The following GPM6A variants were observed in gnomAD, a reference collection of about 807,000 sequenced individuals.
GPM6A encodes the protein glycoprotein M6A.
GPM6A carries 7 observed loss-of-function variants against 32.1 expected under a neutral mutation model. That is an observed-to-expected ratio of 0.22 (90% CI 0.12 to 0.41). GPM6A has a LOEUF of 0.41. Among genes scored for constraint, GPM6A ranks in the 10% least tolerant of loss-of-function variants. GPM6A has a pLI of 1.00. For synonymous variants in GPM6A, 130 were observed against 123.4 expected, an observed-to-expected ratio of 1.05 and a Z score of -0.35; for missense variants, 235 against 347.2, an observed-to-expected ratio of 0.68 and a Z score of 2.57.
chr4:175,766,716 G>A (rs369738900), intron 1 of GPM6A, among the ~76,000 whole-genome samples: 126 of 146,728 alleles, frequency 8.6e-4, no homozygotes, highest in African/African-American at 2.4e-3. Flanking sequence ...GTGCAGTGGC[G>A]TGATCTCTGC....
rs192030080 is a variant in GPM6A at position 175,636,578 on chromosome 4, T to G, written c.685-1521A>C. On this transcript the variant is annotated intron_variant, in intron 6 of 6. Transcript: ENST00000393658. Reference sequence around the variant, plus strand: ...TGGGAGGCCAAGGCGGGTTGATCACTTGAGGTCAGGAGTCCAAGACCAGTC... The same window carrying G: ...TGGGAGGCCAAGGCGGGTTGATCACGTGAGGTCAGGAGTCCAAGACCAGTC... Among the ~76,000 whole-genome samples, 17 of 150,310 alleles carry G rather than the reference T, an allele frequency of 1.1e-4. No homozygotes were observed. In the East Asian group the frequency reaches 3.1e-3, roughly 28 times the overall value.
intron 1 of GPM6A, among the ~76,000 whole-genome samples, chr4:175,859,741 G>A (rs1346573476): frequency 1.3e-5 from 2 of 151,744 alleles, no homozygotes; most frequent in Non-Finnish European, 2.9e-5. Flanking sequence ...AGTGCCCTGG[G>A]GTTTTCCTAA....
At chr4:175,956,763 A>G (rs1739999816) in intron 1 of GPM6A, among the ~76,000 whole-genome samples, 2 of 151,712 alleles carry the variant, frequency 1.3e-5, no homozygotes, top group Admixed American at 1.3e-4. Flanking sequence ...TGAACAATTT[A>G]ATGTAATTTT....
At chr4:175,718,634 T>C (rs1393245067) in intron 1 of GPM6A, among the ~76,000 whole-genome samples, 1 of 151,428 alleles carries the variant, frequency 6.6e-6, no homozygotes, top group Admixed American at 6.6e-5. Context: ...TATAATGAAA[T>C]ATTTACATTA....
chr4:175,849,416 C>T (rs1736184708), intron 1 of GPM6A, among the ~76,000 whole-genome samples: 2 of 152,110 alleles, frequency 1.3e-5, no homozygotes, highest in African/African-American at 2.4e-5. Context: ...ACGTAGCCAA[C>T]GTAGAGGTTG....
intron 1 of GPM6A, among the ~76,000 whole-genome samples, chr4:175,760,755 A>T (rs892201495): frequency 4.6e-5 from 7 of 152,092 alleles, no homozygotes; most frequent in African/African-American, 1.7e-4. Flanking sequence ...AGAGAGAGAA[A>T]TAGATACAGA....
At chr4:175,697,670 T>C (rs1744654994) in intron 2 of GPM6A, among the ~76,000 whole-genome samples, 1 of 152,150 alleles carries the variant, frequency 6.6e-6, no homozygotes, top group Non-Finnish European at 1.5e-5. Flanking sequence ...TACTAAAAGT[T>C]ATACAAATGA....
At chr4:175,966,867 A>G (rs1740349662) in intron 1 of GPM6A, among the ~76,000 whole-genome samples, 1 of 152,198 alleles carries the variant, frequency 6.6e-6, no homozygotes, top group Non-Finnish European at 1.5e-5. Context: ...TGGGTCTACT[A>G]TTGAATTCTA....
chr4:175,867,076 T>A (rs1022333404), intron 1 of GPM6A, among the ~76,000 whole-genome samples: 2 of 152,204 alleles, frequency 1.3e-5, no homozygotes, highest in Non-Finnish European at 2.9e-5. Context: ...TCTGTTAAGG[T>A]CTTTGGCCTA....
intron 1 of GPM6A, among the ~76,000 whole-genome samples, chr4:175,716,039 TG>T (rs1419409372): frequency 1.3e-5 from 2 of 152,336 alleles, no homozygotes; most frequent in African/African-American, 2.4e-5. Flanking sequence ...CACTCCAGAC[TG>T]GGCAATAAGA....
At chr4:175,883,419 A>T (rs1277374328) in intron 1 of GPM6A, among the ~76,000 whole-genome samples, 1 of 152,144 alleles carries the variant, frequency 6.6e-6, no homozygotes, top group African/African-American at 2.4e-5. Flanking sequence ...TCAATATAAA[A>T]AATTAAGAAG....
chr4:175,873,499 A>C (rs1736980212), intron 1 of GPM6A, among the ~76,000 whole-genome samples: 1 of 152,120 alleles, frequency 6.6e-6, no homozygotes, highest in Admixed American at 6.5e-5. Context: ...TCAATGGGAA[A>C]TATATTTTGA....
At chr4:175,930,436 T>G (rs796356042) in intron 1 of GPM6A, among the ~76,000 whole-genome samples, 1,729 of 81,348 alleles carry the variant, frequency 0.021, 19 homozygotes, top group Non-Finnish European at 0.036. Context: ...GGGGGGGGGT[T>G]TTTTTGTTGT....
At chr4:175,667,809 A>T (rs978855858) in intron 3 of GPM6A, among the ~76,000 whole-genome samples, 4 of 152,144 alleles carry the variant, frequency 2.6e-5, no homozygotes, top group African/African-American at 7.2e-5. Flanking sequence ...GAATATACAA[A>T]TTTTTTTTAA....
chr4:175,693,324 T>C, intron 2 of GPM6A, among the ~76,000 whole-genome samples: 1 of 149,132 alleles, frequency 6.7e-6, no homozygotes, highest in Non-Finnish European at 1.5e-5. Context: ...TAAGTATATA[T>C]ATATTTGGAA....
At chr4:175,682,044 C>T (rs1743716517) in intron 2 of GPM6A, among the ~76,000 whole-genome samples, 1 of 152,174 alleles carries the variant, frequency 6.6e-6, no homozygotes, top group Admixed American at 6.5e-5. Context: ...GACCAACATG[C>T]TGATAGTGAC....
intron 1 of GPM6A, among the ~76,000 whole-genome samples, chr4:175,884,723 AGGGTT>A (rs1258750153): frequency 1.1e-4 from 17 of 151,714 alleles, no homozygotes; most frequent in Non-Finnish European, 2.4e-4. Flanking sequence ...TAGTAGAGAC[AGGGTT>A]TCACCATGTT....
intron 1 of GPM6A, among the ~76,000 whole-genome samples, chr4:175,791,417 T>G (rs1289181334): frequency 6.6e-6 from 1 of 152,324 alleles, no homozygotes; most frequent in East Asian, 1.9e-4. Context: ...GTTAAGTGAC[T>G]TGCCATATGC....
At position 175,909,433 on chromosome 4, in the gene GPM6A, A is replaced by G. The variant is rs113213270; in HGVS notation, c.-23+92876T>C. Among the ~76,000 whole-genome samples the G allele has an allele frequency of 9.0e-3, 1,373 of 152,278 alleles. 12 individuals carry two copies. Among genetic ancestry groups the G allele is most frequent in the Non-Finnish European group, 0.015 (1,009 of 68,000 alleles). On this transcript the variant is annotated intron_variant, in intron 1 of 7. Coordinates refer to the GPM6A transcript ENST00000280187. ...AGTGTAAATATAGAGTAAGTTTACC[A>G]TACTTATTCATGAGTAAACTGTTAT...
Sources: allele counts gnomAD v4.1 joint callset (sites outside exome capture counted in the v4.1 genomes callset), GRCh38; gene constraint gnomAD v4.1.1; transcripts MANE v1.5; gene names NCBI Gene and HGNC (gene_info 2026-07-23, HGNC 2026-07-21).